The following ADAMTSL3 variants were observed in gnomAD, a reference collection of about 807,000 sequenced individuals.
ADAMTSL3 encodes the protein ADAMTS-like protein 3.
In ADAMTSL3, 128 loss-of-function variants were observed where a neutral mutation model predicts 201.7. The observed-to-expected ratio is 0.63, with a 90% CI of 0.55 to 0.73. ADAMTSL3 has a LOEUF of 0.73. ADAMTSL3 is among the 30% of genes least tolerant of loss of function. The pLI is 0.00. For missense variants in ADAMTSL3, 1,990 were observed against 2,119.6 expected (o/e 0.94, Z 1.20); for synonymous variants, 738 against 748.4 (o/e 0.99, Z 0.23).
intron 26 of ADAMTSL3, among the ~76,000 whole-genome samples, chr15:84,023,977 C>T (rs192840831): frequency 4.2e-4 from 64 of 152,296 alleles, no homozygotes; most frequent in Admixed American, 7.2e-4. Context: ...GATATATCGC[C>T]GGGCGCAGTG....
chr15:83,726,858 T>C (rs1490102136), intron 3 of ADAMTSL3, among the ~76,000 whole-genome samples: 2 of 151,932 alleles, frequency 1.3e-5, no homozygotes, highest in African/African-American at 4.8e-5. Flanking sequence ...GTTTTCTTTT[T>C]TCTTTTTTTT....
At position 83,913,166 on chromosome 15, in the gene ADAMTSL3, G is replaced by A. The variant is rs769764386; in HGVS notation, c.1775G>A (p.Arg592His). Reference sequence around the variant, plus strand: ...GTGCAGGTCCGTGAGGTGAAGTGCCGTGTGCTCCTCACATTCACGCAGACT... The same window carrying A: ...GTGCAGGTCCGTGAGGTGAAGTGCCATGTGCTCCTCACATTCACGCAGACT... Reference protein sequence around the residue: ...PGVQVREVKCRVLLTFTQTET... With the variant: ...PGVQVREVKCHVLLTFTQTET... The change falls in exon 16 of 30, where the codon CGT becomes CAT. Residue 592 changes from arginine (R) to histidine (H), a missense_variant. Physicochemically the swap from Arg to His is conservative, Grantham distance 29. Coordinates refer to ENST00000286744, the MANE Select transcript of ADAMTSL3 (RefSeq NM_207517.3). The A allele has an allele frequency of 6.8e-6, 11 of 1,614,010 alleles. No homozygotes were observed. Among genetic ancestry groups the A allele is most frequent in the Admixed American group, 6.7e-5 (4 of 60,000 alleles).
chr15:84,002,460 A>G (rs2067807580), intron 23 of ADAMTSL3, among the ~76,000 whole-genome samples: 1 of 152,178 alleles, frequency 6.6e-6, no homozygotes, highest in South Asian at 2.1e-4. Context: ...CCCCATGTTA[A>G]TGTTTAACCT....
intron 20 of ADAMTSL3, among the ~76,000 whole-genome samples, chr15:83,981,651 G>T (rs1427378042): frequency 3.3e-5 from 5 of 152,150 alleles, no homozygotes; most frequent in Non-Finnish European, 7.4e-5. Flanking sequence ...GTTCTTTTTT[G>T]ATCACGGCTA....
intron 19 of ADAMTSL3, among the ~76,000 whole-genome samples, chr15:83,953,926 TG>T (rs1272439213): frequency 1.3e-5 from 2 of 152,190 alleles, no homozygotes; most frequent in Non-Finnish European, 2.9e-5. Flanking sequence ...CCCCATTGTG[TG>T]TTATTTGTTT....
chr15:83,717,644 A>G (rs757681534), intron 3 of ADAMTSL3: 3 of 152,206 alleles, frequency 2.0e-5, no homozygotes, highest in African/African-American at 2.4e-5. Context: ...CAAATATTTT[A>G]TATATTTGTA....
At chr15:83,734,617 G>A (rs538756330) in intron 3 of ADAMTSL3, among the ~76,000 whole-genome samples, 213 of 152,110 alleles carry the variant, frequency 1.4e-3, no homozygotes, top group African/African-American at 4.9e-3. Flanking sequence ...GCCGGTTCAG[G>A]TATGGGTGTA....
chr15:83,708,539 A>G (rs571250794), intron 3 of ADAMTSL3, among the ~76,000 whole-genome samples: 1 of 152,320 alleles, frequency 6.6e-6, no homozygotes, highest in African/African-American at 2.4e-5. Flanking sequence ...TCTGAAGCCA[A>G]CTGAGTAACA....
chr15:83,919,284 T>A (rs1175581725), intron 16 of ADAMTSL3, among the ~76,000 whole-genome samples: 1 of 152,086 alleles, frequency 6.6e-6, no homozygotes, highest in Non-Finnish European at 1.5e-5. Flanking sequence ...GTCTAGGACT[T>A]AAGTCTTGAG....
At chr15:83,720,576 C>T (rs115707384) in intron 3 of ADAMTSL3, among the ~76,000 whole-genome samples, 5 of 152,260 alleles carry the variant, frequency 3.3e-5, no homozygotes, top group East Asian at 1.9e-4. Context: ...ATTGATTTAG[C>T]GGTTGGTGAC....
At chr15:83,956,098 G>A (rs1368251992) in intron 19 of ADAMTSL3, among the ~76,000 whole-genome samples, 1 of 152,134 alleles carries the variant, frequency 6.6e-6, no homozygotes, top group Non-Finnish European at 1.5e-5. Flanking sequence ...CCGGCCACTG[G>A]AATAGGCACT....
intron 6 of ADAMTSL3, among the ~76,000 whole-genome samples, chr15:83,824,017 T>G (rs2141932231): frequency 6.6e-6 from 1 of 150,840 alleles, no homozygotes; most frequent in South Asian, 2.1e-4. Flanking sequence ...CTCTTCTTTC[T>G]TCTTTCTTCC....
intron 4 of ADAMTSL3, among the ~76,000 whole-genome samples, chr15:83,786,972 A>C (rs577713662): frequency 6.6e-6 from 1 of 152,200 alleles, no homozygotes; most frequent in Non-Finnish European, 1.5e-5. Flanking sequence ...TGAGGACCCA[A>C]ATAGCATTTA....
intron 20 of ADAMTSL3, among the ~76,000 whole-genome samples, chr15:83,973,748 A>G (rs545667401): frequency 6.6e-6 from 1 of 152,068 alleles, no homozygotes; most frequent in South Asian, 2.1e-4. Flanking sequence ...TTTCACCTCA[A>G]ATCTACCCCC....
intron 2 of ADAMTSL3, among the ~76,000 whole-genome samples, chr15:83,683,482 C>T (rs1294635478): frequency 2.0e-5 from 3 of 152,172 alleles, no homozygotes; most frequent in Non-Finnish European, 2.9e-5. Flanking sequence ...TTTTCTCCTT[C>T]GTTGGACTTC....
At chr15:84,020,442 CT>C (rs1470420414) in intron 25 of ADAMTSL3, among the ~76,000 whole-genome samples, 3 of 152,220 alleles carry the variant, frequency 2.0e-5, no homozygotes, top group Non-Finnish European at 4.4e-5. Flanking sequence ...AACGTATCTA[CT>C]TTTAAAAAAT....
intron 2 of ADAMTSL3, among the ~76,000 whole-genome samples, chr15:83,698,512 C>T (rs1371658832): frequency 6.6e-6 from 1 of 152,108 alleles, no homozygotes; most frequent in Non-Finnish European, 1.5e-5. Context: ...TGGCTCAGTG[C>T]CCTGGGAAGA....
At chr15:83,962,352 C>T (rs2066989520) in intron 19 of ADAMTSL3, 1 of 152,128 alleles carries the variant, frequency 6.6e-6, no homozygotes, top group African/African-American at 2.4e-5. Flanking sequence ...ATTTCCTCAT[C>T]CTTCTTAGTA....
chr15:83,659,019 T>C (rs2730081), intron 2 of ADAMTSL3, among the ~76,000 whole-genome samples: 86,033 of 152,098 alleles, frequency 0.57, 24,970 homozygotes, highest in South Asian at 0.72. Context: ...TAAACAACCA[T>C]GTCAAGATGG....
Sources: allele counts gnomAD v4.1 joint callset (sites outside exome capture counted in the v4.1 genomes callset), GRCh38; gene constraint gnomAD v4.1.1; transcripts MANE v1.5; gene names NCBI Gene and HGNC (gene_info 2026-07-23, HGNC 2026-07-21).